VWA5B1: variants seen among roughly 807,000 people sequenced by gnomAD.
VWA5B1 encodes von Willebrand factor A domain-containing protein 5B1.
Under a neutral mutation model 118.2 loss-of-function variants are expected in VWA5B1, and 115 were observed. The observed-to-expected ratio is 0.97, with a 90% CI of 0.84 to 1.14. The LOEUF (loss-of-function observed/expected upper bound fraction) is 1.14, where lower values mean the gene tolerates loss of function less well. Ranked by LOEUF, VWA5B1 falls within the 50% of genes most tolerant of loss-of-function variation. VWA5B1 has a pLI of 0.00. For synonymous variants in VWA5B1, 682 were observed against 658.4 expected, an observed-to-expected ratio of 1.04 and a Z score of -0.55; for missense variants, 1,596 against 1,603.8, an observed-to-expected ratio of 1.00 and a Z score of 0.08.
intron 4 of VWA5B1, 64 bp from the exon 5 acceptor site, chr1:20,317,466 T>C: frequency 6.6e-7 from 1 of 1,525,540 alleles, no homozygotes; most frequent in South Asian, 1.3e-5. Flanking sequence ...CTCCTTGTCT[T>C]CTCGCGCTGG....
At chr1:20,309,258 A>G (rs2088767111) in intron 1 of VWA5B1, among the ~76,000 whole-genome samples, 1 of 152,222 alleles carries the variant, frequency 6.6e-6, no homozygotes. Flanking sequence ...CTATGCTCAA[A>G]TGGGAAACAG....
In VWA5B1 at chr1:20,359,226, A is replaced by G. The variant is rs1266128044; in HGVS notation, c.*4963A>G. Among the ~76,000 whole-genome samples, 2 of 152,120 alleles carry G rather than the reference A, an allele frequency of 1.3e-5. No individual in the cohort carries two copies. Among genetic ancestry groups the G allele is most frequent in the African/African-American group, 4.8e-5 (2 of 41,392 alleles). On this transcript the variant is annotated 3_prime_UTR_variant, in exon 22 of 22. Coordinates refer to ENST00000289815, the MANE Select transcript of VWA5B1 (RefSeq NM_001039500.3). Reference sequence around the variant, plus strand: ...AGTGGCATGGCTGGTGCTTGTCCCCATCAGAGCCTCAAGTGCCTATGGCAT... The same window carrying G: ...AGTGGCATGGCTGGTGCTTGTCCCCGTCAGAGCCTCAAGTGCCTATGGCAT...
At chr1:20,334,641 T>G (rs977888199) in intron 12 of VWA5B1, among the ~76,000 whole-genome samples, 1 of 151,944 alleles carries the variant, frequency 6.6e-6, no homozygotes, top group Non-Finnish European at 1.5e-5. Flanking sequence ...TGAAACCCCA[T>G]CTCTACTGAA....
chr1:20,340,794 T>G (rs142390421), intron 14 of VWA5B1, among the ~76,000 whole-genome samples: 47 of 152,372 alleles, frequency 3.1e-4, no homozygotes, highest in African/African-American at 1.1e-3. Context: ...CAGACCCACT[T>G]GGTTTTGAGT....
chr1:20,299,625 A>G (rs1279403330), intron 1 of VWA5B1, among the ~76,000 whole-genome samples: 1 of 152,114 alleles, frequency 6.6e-6, no homozygotes, highest in East Asian at 1.9e-4. Context: ...GCTGGCCTCA[A>G]ACTCCTGAAC....
intron 1 of VWA5B1, among the ~76,000 whole-genome samples, chr1:20,295,271 C>T (rs7532445): frequency 0.23 from 34,372 of 151,956 alleles, 4,376 homozygotes; most frequent in East Asian, 0.39. Flanking sequence ...GTCTGGAACA[C>T]AGAGTCAGAG....
intron 11 of VWA5B1, 101 bp from the exon 12 acceptor site, chr1:20,332,665 T>G: frequency 7.6e-7 from 1 of 1,317,810 alleles, no homozygotes; most frequent in African/African-American, 1.5e-5. Context: ...TACTGTCCCC[T>G]CTTCCCTGCT....
intron 16 of VWA5B1, among the ~76,000 whole-genome samples, chr1:20,344,586 C>G (rs2089969220): frequency 1.3e-5 from 2 of 152,126 alleles, no homozygotes. Flanking sequence ...GATTGTATAA[C>G]AGGGACGGTG....
Position 20,351,040 on chromosome 1 carries a change from C to T in VWA5B1, c.3023+114C>T, listed in dbSNP as rs230184. On this transcript the variant is annotated intron_variant, in intron 20 of 21. Coordinates refer to ENST00000289815, the MANE Select transcript of VWA5B1 (RefSeq NM_001039500.3). ...AGACAGGTTCAGCCTGACATTTAGG[C>T]AGGTGTCGTAAAGAAGGCACTCCTG... is the stretch of plus-strand genomic sequence containing the variant. 0.069 allele frequency: 73,473 copies of T among 1,058,198 alleles called. 3,070 individuals are homozygous for T. Among genetic ancestry groups the T allele is most frequent in the Admixed American group, 0.11 (4,865 of 45,372 alleles). 65.6% of individuals were successfully genotyped at this position (1,058,198 alleles called of 1,614,324 possible).
Position 20,358,917 on chromosome 1 carries a change from G to A in VWA5B1, c.*4654G>A, listed in dbSNP as rs1172198501. ...TCTGTCCAAGGTCAGGGGCTTGGCA[G>A]CAGCTCCTGGCCACGCCTACAGCTC... On this transcript the variant is annotated 3_prime_UTR_variant, in exon 22 of 22. Transcript: ENST00000289815. Among the ~76,000 whole-genome samples the A allele has an allele frequency of 6.6e-6, 1 of 152,184 alleles. No homozygotes were observed. Among genetic ancestry groups the A allele is most frequent in the African/African-American group, 2.4e-5 (1 of 41,444 alleles).
intron 1 of VWA5B1, among the ~76,000 whole-genome samples, chr1:20,300,453 G>A (rs1218658063): frequency 6.6e-6 from 1 of 152,128 alleles, no homozygotes; most frequent in Admixed American, 6.5e-5. Context: ...GACCCCGTGG[G>A]AAGGACCTTC....
chr1:20,325,163 T>C (rs1341391885), intron 8 of VWA5B1, among the ~76,000 whole-genome samples: 2 of 152,254 alleles, frequency 1.3e-5, no homozygotes, highest in Non-Finnish European at 2.9e-5. Flanking sequence ...GGGCCTTCTA[T>C]GTCTTGCTTC....
At position 20,318,364 on chromosome 1, in the gene VWA5B1, T is replaced by G. The variant is rs1168327412; in HGVS notation, c.710-226T>G. The G allele has an allele frequency of 4.8e-6, 3 of 621,094 alleles. No individual in the cohort carries two copies. The East Asian group carries it at 8.9e-5, about 18-fold the overall frequency. 38.5% of individuals were successfully genotyped at this position (621,094 alleles called of 1,614,324 possible). On this transcript the variant is annotated intron_variant, in intron 5 of 21. Transcript: ENST00000289815. ...TGCAACTCCTCCGACCCCCACTAGA[T>G]CCTGAGTTCAGAGCAGGAAGAGTCA...
intron 7 of VWA5B1, among the ~76,000 whole-genome samples, chr1:20,322,186 G>C (rs1357978044): frequency 6.6e-6 from 1 of 152,218 alleles, no homozygotes; most frequent in African/African-American, 2.4e-5. Context: ...AGGAAAAGAG[G>C]GGAACTGAGG....
chr1:20,343,499 C>T, intron 16 of VWA5B1, 106 bp downstream of exon 16: 1 of 1,428,472 alleles, frequency 7.0e-7, no homozygotes, highest in Non-Finnish European at 9.1e-7. Flanking sequence ...CCTCTCAGCC[C>T]CGCGTGGTCC....
At chr1:20,321,316 G>A (rs774283023) in intron 7 of VWA5B1, among the ~76,000 whole-genome samples, 78 of 152,286 alleles carry the variant, frequency 5.1e-4, no homozygotes, top group Non-Finnish European at 1.0e-3. Flanking sequence ...GCCGGGCGCG[G>A]TGGCTTACCC....
At chr1:20,349,075 C>A (rs570998954) in intron 18 of VWA5B1, 40 of 324,428 alleles carry the variant, frequency 1.2e-4, no homozygotes, top group African/African-American at 7.3e-4. Context: ...GCCACCCAGA[C>A]CATAAGGATT....
In VWA5B1 at chr1:20,355,663, G is replaced by T. The variant is rs973339803; in HGVS notation, c.*1400G>T. Among the ~76,000 whole-genome samples the T allele has an allele frequency of 1.3e-5, 2 of 152,230 alleles. No homozygotes were observed. The highest frequency in any genetic ancestry group is 4.8e-5 in the African/African-American group (2 of 41,468). On this transcript the variant is annotated 3_prime_UTR_variant, in exon 22 of 22. Transcript: ENST00000289815. The stretch of plus-strand genomic sequence containing the variant: ...CTCGTGGGGTCCTGCGGGCTCTGGC[G>T]CAAGCCCCGGCCTCAGGAAGACTCG...
rs1264017047 is a variant in VWA5B1, at chr1:20,358,990, C to G, written c.*4727C>G. 6.6e-6 allele frequency among the ~76,000 whole-genome samples: 1 copy of G among 152,194 alleles called. No individual in the cohort carries two copies. Among genetic ancestry groups the G allele is most frequent in the Non-Finnish European group, 1.5e-5 (1 of 68,030 alleles). On this transcript the variant is annotated 3_prime_UTR_variant, in exon 22 of 22. Coordinates refer to ENST00000289815, the MANE Select transcript of VWA5B1 (RefSeq NM_001039500.3). ...TGTGTGTCCAGCCCTGCTCCCAGCC[C>G]GTTGACTTTAGCCTCTCAACAGCAC... is the stretch of plus-strand genomic sequence containing the variant.
Sources: allele counts gnomAD v4.1 joint callset (sites outside exome capture counted in the v4.1 genomes callset), GRCh38; gene constraint gnomAD v4.1.1; transcripts MANE v1.5; gene names NCBI Gene and HGNC (gene_info 2026-07-23, HGNC 2026-07-21).